The following NKAIN2 variants were observed in gnomAD, a reference collection of about 807,000 sequenced individuals.
NKAIN2 encodes sodium/potassium-transporting ATPase subunit beta-1-interacting protein 2.
In NKAIN2, 14 loss-of-function variants were observed where a neutral mutation model predicts 32.6. That is an observed-to-expected ratio of 0.43 (90% CI 0.28 to 0.67). The LOEUF is 0.67. Ranked by LOEUF, NKAIN2 falls within the 30% of genes least tolerant of loss-of-function variation. The pLI is 0.17. For missense variants in NKAIN2, 198 were observed against 258.3 expected, an observed-to-expected ratio of 0.77 and a Z score of 1.60; for synonymous variants, 80 against 87.2, an observed-to-expected ratio of 0.92 and a Z score of 0.46.
At chr6:124,653,444 CAAAAAA>C (rs35842873) in intron 3 of NKAIN2, among the ~76,000 whole-genome samples, 6 of 79,720 alleles carry the variant, frequency 7.5e-5, no homozygotes, top group East Asian at 4.0e-4. Context: ...CATCCACATG[CAAAAAA>C]AAAAAAAAAA....
At chr6:124,140,602 T>C (rs891087961) in intron 1 of NKAIN2, among the ~76,000 whole-genome samples, 1 of 152,158 alleles carries the variant, frequency 6.6e-6, no homozygotes, top group African/African-American at 2.4e-5. Flanking sequence ...CTAGAGGGCA[T>C]GTAGGGCTAG....
At chr6:124,639,876 T>G (rs2114349655) in intron 3 of NKAIN2, among the ~76,000 whole-genome samples, 1 of 152,218 alleles carries the variant, frequency 6.6e-6, no homozygotes, top group East Asian at 1.9e-4. Context: ...AATTAAAATT[T>G]ACAGCTAGTT....
At chr6:124,155,074 A>T (rs1194187332) in intron 1 of NKAIN2, among the ~76,000 whole-genome samples, 2 of 152,140 alleles carry the variant, frequency 1.3e-5, no homozygotes, top group African/African-American at 4.8e-5. Context: ...CTAGATTAGA[A>T]GCTATTTGAA....
intron 3 of NKAIN2, among the ~76,000 whole-genome samples, chr6:124,632,830 C>A (rs1029973352): frequency 6.6e-6 from 1 of 152,158 alleles, no homozygotes; most frequent in Non-Finnish European, 1.5e-5. Context: ...TTAAAAAATT[C>A]TCTTGTAAGA....
chr6:124,349,420 A>T (rs547064177), intron 2 of NKAIN2, among the ~76,000 whole-genome samples: 62 of 149,920 alleles, frequency 4.1e-4, no homozygotes, highest in African/African-American at 1.4e-3. Flanking sequence ...TAGCAGCATG[A>T]TATCTGTGAT....
At chr6:124,307,071 G>T (rs114990737) in intron 2 of NKAIN2, among the ~76,000 whole-genome samples, 2 of 151,996 alleles carry the variant, frequency 1.3e-5, no homozygotes, top group African/African-American at 4.8e-5. Context: ...GAAAAGGCCC[G>T]CTCGGGAAGG....
At chr6:124,805,624 G>C (rs958745236) in intron 5 of NKAIN2, among the ~76,000 whole-genome samples, 1 of 152,214 alleles carries the variant, frequency 6.6e-6, no homozygotes, top group African/African-American at 2.4e-5. Flanking sequence ...CACCAGCAAT[G>C]GAACAAAGCT....
intron 1 of NKAIN2, among the ~76,000 whole-genome samples, chr6:124,130,224 A>G (rs1786398803): frequency 6.6e-6 from 1 of 152,188 alleles, no homozygotes; most frequent in Non-Finnish European, 1.5e-5. Context: ...AGGGGGTGGT[A>G]TTTTGGACAA....
chr6:123,970,415 G>C (rs1403327303), intron 1 of NKAIN2, among the ~76,000 whole-genome samples: 1 of 152,070 alleles, frequency 6.6e-6, no homozygotes, highest in African/African-American at 2.4e-5. Context: ...TAATTGCCAC[G>C]AAAGCCTAAG....
chr6:124,806,804 C>G (rs1362310798), intron 5 of NKAIN2, among the ~76,000 whole-genome samples: 1 of 151,288 alleles, frequency 6.6e-6, no homozygotes, highest in African/African-American at 2.4e-5. Context: ...ATCTACCAAG[C>G]AAATGGAAAA....
chr6:124,037,707 A>G (rs1015953943), intron 1 of NKAIN2, among the ~76,000 whole-genome samples: 1 of 152,144 alleles, frequency 6.6e-6, no homozygotes, highest in African/African-American at 2.4e-5. Flanking sequence ...CGAAGACTAC[A>G]GTTACGGAAT....
intron 1 of NKAIN2, among the ~76,000 whole-genome samples, chr6:124,275,957 A>G (rs1215885562): frequency 2.0e-5 from 3 of 152,188 alleles, no homozygotes; most frequent in South Asian, 2.1e-4. Flanking sequence ...GTAGATGAAG[A>G]AACTGGGATT....
At chr6:124,735,813 G>A (rs1372193877) in intron 4 of NKAIN2, among the ~76,000 whole-genome samples, 7 of 151,734 alleles carry the variant, frequency 4.6e-5, no homozygotes, top group African/African-American at 1.2e-4. Context: ...TATGTGTTCT[G>A]ACTGCTCAAT....
At chr6:124,040,732 A>G (rs965667507) in intron 1 of NKAIN2, among the ~76,000 whole-genome samples, 13 of 152,030 alleles carry the variant, frequency 8.6e-5, no homozygotes, top group Admixed American at 7.2e-4. Flanking sequence ...CTCTTCTTGC[A>G]TTCAAATTCT....
intron 1 of NKAIN2, among the ~76,000 whole-genome samples, chr6:124,171,150 A>G (rs776915708): frequency 2.6e-5 from 4 of 152,176 alleles, no homozygotes; most frequent in Non-Finnish European, 4.4e-5. Flanking sequence ...CACAGTTTCT[A>G]TACCCTCATC....
rs1442696831 is a variant in NKAIN2, at chr6:124,235,648, G to T, written c.55-47357G>T. ...GAGTCTCACTCTGTCACCCAGACTG[G>T]AGTGCAATGGTGCGGTCTTAGCTCA... On this transcript the variant is annotated intron_variant, in intron 1 of 6. Coordinates refer to ENST00000368417, the MANE Select transcript of NKAIN2 (RefSeq NM_001040214.3). 3.3e-5 allele frequency among the ~76,000 whole-genome samples: 5 copies of T among 151,468 alleles called. No individual in the cohort carries two copies. In the South Asian group the frequency reaches 6.3e-4, roughly 19 times the overall value.
chr6:124,338,148 G>A (rs570012860), intron 2 of NKAIN2, among the ~76,000 whole-genome samples: 14 of 152,100 alleles, frequency 9.2e-5, no homozygotes, highest in African/African-American at 2.4e-4. Context: ...AGATGCCTTC[G>A]AAGTGGTCAA....
chr6:124,646,822 A>G (rs531687800), intron 3 of NKAIN2, among the ~76,000 whole-genome samples: 1 of 152,172 alleles, frequency 6.6e-6, no homozygotes, highest in Non-Finnish European at 1.5e-5. Context: ...GTGGTGGTGC[A>G]TGCCTGTAAA....
At position 123,804,198 on chromosome 6, in the gene NKAIN2, A is replaced by G; in HGVS notation, c.-3A>G. On this transcript the variant is annotated 5_prime_UTR_variant, in exon 1 of 7. Coordinates refer to ENST00000368417, the MANE Select transcript of NKAIN2 (RefSeq NM_001040214.3). ...TCTGGCTGTGGCAGGGGTCTCGGAA[A>G]CCATGGGTTATTGCAGTGGCAGGTG... 1 of 1,613,782 alleles carries G rather than the reference A, an allele frequency of 6.2e-7. No individual in the cohort carries two copies.
Sources: gnomAD v4.1 joint callset for allele counts (sites outside exome capture counted in the v4.1 genomes callset) on GRCh38, gnomAD v4.1.1 for gene constraint, MANE v1.5 for transcripts, NCBI Gene and HGNC (gene_info 2026-07-23, HGNC 2026-07-21) for gene names.